Variants in SNX29 observed in about 807,000 individuals in gnomAD.
The protein encoded by SNX29 is sorting nexin 29, also known as sorting nexin-29.
SNX29 carries 78 observed loss-of-function variants against 102.1 expected under a neutral mutation model. That is an observed-to-expected ratio of 0.76 (90% CI 0.64 to 0.92). The LOEUF is 0.92. Ranked by LOEUF, SNX29 falls within the 40% of genes least tolerant of loss-of-function variation. The probability of loss-of-function intolerance (pLI) is 0.00; values close to 1 mark genes in which losing one functional copy is unlikely to be tolerated. For synonymous variants in SNX29, 580 were observed against 414.5 expected, an observed-to-expected ratio of 1.40 and a Z score of -4.85; for missense variants, 1,280 against 1,061.7, an observed-to-expected ratio of 1.21 and a Z score of -2.86.
intron 20 of SNX29, among the ~76,000 whole-genome samples, chr16:12,554,833 C>G (rs914395387): frequency 1.3e-5 from 2 of 152,184 alleles, no homozygotes; most frequent in Non-Finnish European, 2.9e-5. Flanking sequence ...CTGTGCCATT[C>G]TTTCCGTAGG....
At chr16:12,103,841 T>C (rs565157361) in intron 11 of SNX29, among the ~76,000 whole-genome samples, 1 of 152,216 alleles carries the variant, frequency 6.6e-6, no homozygotes, top group African/African-American at 2.4e-5. Flanking sequence ...TAAACAACTT[T>C]GCGAGAGAAA....
chr16:12,118,320 T>C lies in SNX29; in HGVS notation c.1403-8313T>C, dbSNP rs1241307656. On this transcript the variant is annotated intron_variant, in intron 11 of 20. Coordinates refer to ENST00000566228, the MANE Select transcript of SNX29 (RefSeq NM_032167.5). ...AGTAGATATACAGACCACCTTTTTT[T>C]TTTTTTTTTTTTTTTTATGAGATGG... Among the ~76,000 whole-genome samples, 6 of 134,260 alleles carry C rather than the reference T, an allele frequency of 4.5e-5. No individual in the cohort carries two copies. In the East Asian group the frequency reaches 1.5e-3, roughly 33 times the overall value. The allele number at this position is 134,260 out of a possible 152,430, so 88.1% of individuals were successfully genotyped here. A position where few individuals can be genotyped will look rare whatever the true frequency, so the allele number is the denominator to read the frequency against.
At chr16:12,160,840 G>A (rs2055753072) in intron 13 of SNX29, among the ~76,000 whole-genome samples, 1 of 152,214 alleles carries the variant, frequency 6.6e-6, no homozygotes, top group South Asian at 2.1e-4. Context: ...CCCATTTCTT[G>A]ATGGCATTAT....
chr16:12,513,255 C>G (rs772856873), intron 19 of SNX29, among the ~76,000 whole-genome samples: 4 of 149,256 alleles, frequency 2.7e-5, no homozygotes, highest in African/African-American at 4.9e-5. Context: ...CTGTCCTCCT[C>G]TCCCCTCCCC....
rs564434019 is a variant in SNX29 at position 12,568,521 on chromosome 16, C to T, written c.2334C>T (p.Pro778=). The T allele has an allele frequency of 2.6e-5, 42 of 1,609,976 alleles. No individual in the cohort carries two copies. Among genetic ancestry groups the T allele is most frequent in the Middle Eastern group, 1.6e-4 (1 of 6,062 alleles). Residue 778 remains proline (P), a synonymous_variant, in exon 21 of 21, where the codon CCC becomes CCT. Coordinates refer to ENST00000566228, the MANE Select transcript of SNX29 (RefSeq NM_032167.5). The part of the protein sequence containing the change: ...LMPFFVDITP[P]GEPVNSRPKA... ...GCTCTTTCAGCGACATCACCCCGCCCGGAGAGCCTGTGAACAGCCGGCCCA... is the reference window on the plus strand; with the variant it reads ...GCTCTTTCAGCGACATCACCCCGCCTGGAGAGCCTGTGAACAGCCGGCCCA...
intron 20 of SNX29, among the ~76,000 whole-genome samples, chr16:12,566,432 C>G (rs932788770): frequency 1.3e-5 from 2 of 152,184 alleles, no homozygotes; most frequent in Non-Finnish European, 2.9e-5. Context: ...GGCCTCTCCC[C>G]CCAAGCTCTG....
chr16:12,535,576 G>T (rs1304261091), intron 20 of SNX29, among the ~76,000 whole-genome samples: 2 of 152,128 alleles, frequency 1.3e-5, no homozygotes, highest in African/African-American at 4.8e-5. Flanking sequence ...GTGTGAGCTG[G>T]GTATGCACGA....
chr16:12,553,218 C>T (rs534541676), intron 20 of SNX29, among the ~76,000 whole-genome samples: 4 of 152,252 alleles, frequency 2.6e-5, no homozygotes, highest in Non-Finnish European at 5.9e-5. Context: ...GCCATGCTCG[C>T]AGATGGGGAC....
intron 13 of SNX29, among the ~76,000 whole-genome samples, chr16:12,169,657 C>A (rs143175388): frequency 6.6e-6 from 1 of 152,092 alleles, no homozygotes; most frequent in Non-Finnish European, 1.5e-5. Flanking sequence ...GTCAGTAGTT[C>A]GAGACCAGCC....
At chr16:12,315,796 A>C (rs1383481601) in intron 15 of SNX29, among the ~76,000 whole-genome samples, 1 of 152,188 alleles carries the variant, frequency 6.6e-6, no homozygotes, top group African/African-American at 2.4e-5. Context: ...ATTTACAAAA[A>C]TGGATGATGG....
intron 11 of SNX29, among the ~76,000 whole-genome samples, chr16:12,094,632 A>G (rs1036211376): frequency 6.6e-6 from 1 of 152,284 alleles, no homozygotes; most frequent in African/African-American, 2.4e-5. Context: ...ACATTTAGCC[A>G]TGTCTGGGAC....
chr16:12,301,309 G>A (rs1262823748), intron 15 of SNX29, among the ~76,000 whole-genome samples: 1 of 152,200 alleles, frequency 6.6e-6, no homozygotes, highest in Non-Finnish European at 1.5e-5. Context: ...GCTCTGGCGT[G>A]TGCCCACATC....
At chr16:12,318,147 C>T (rs2080812985) in intron 15 of SNX29, among the ~76,000 whole-genome samples, 1 of 152,256 alleles carries the variant, frequency 6.6e-6, no homozygotes, top group Non-Finnish European at 1.5e-5. Flanking sequence ...AGAGAGTGAG[C>T]TTCTTCCAGA....
intron 20 of SNX29, among the ~76,000 whole-genome samples, chr16:12,541,651 C>G (rs1030379861): frequency 3.9e-5 from 6 of 152,184 alleles, no homozygotes; most frequent in African/African-American, 1.4e-4. Flanking sequence ...GTTCAGCCAG[C>G]TCCTAATGCA....
rs1457890246 is a variant in SNX29 at position 12,078,824 on chromosome 16, T to G, written c.1320-9T>G. On this transcript the variant is annotated splice_polypyrimidine_tract_variant and intron_variant, in intron 10 of 20. Coordinates refer to ENST00000566228, the MANE Select transcript of SNX29 (RefSeq NM_032167.5). ...CGAGTGTAACTTCCTCCTGCCTGCTTTTTCCTAGTGTGGAAGCCAGCTCTC... is the reference window on the plus strand; with the variant it reads ...CGAGTGTAACTTCCTCCTGCCTGCTGTTTCCTAGTGTGGAAGCCAGCTCTC... The G allele has an allele frequency of 6.3e-7, 1 of 1,595,054 alleles. No individual in the cohort carries two copies. Among genetic ancestry groups the G allele is most frequent in the Non-Finnish European group, 8.5e-7 (1 of 1,170,784 alleles).
Position 12,570,389 on chromosome 16 carries a change from A to C in SNX29, c.*1760A>C, listed in dbSNP as rs10852351. 5.9e-5 allele frequency: 22 copies of C among 372,508 alleles called. No homozygotes were observed. Among genetic ancestry groups the C allele is most frequent in the Non-Finnish European group, 9.0e-5 (22 of 245,356 alleles). The allele number at this position is 372,508 out of a possible 1,614,324, so 23.1% of individuals were successfully genotyped here. A position where few individuals can be genotyped will look rare whatever the true frequency, so the allele number is the denominator to read the frequency against. On this transcript the variant is annotated 3_prime_UTR_variant, in exon 21 of 21. Coordinates refer to ENST00000566228, the MANE Select transcript of SNX29 (RefSeq NM_032167.5). ...TACACATGGTTTATCTGAAATTCCA[A>C]GGCCAGAGTGCACATCAGCTCACAT...
intron 19 of SNX29, among the ~76,000 whole-genome samples, chr16:12,512,737 C>G (rs1020223491): frequency 3.3e-5 from 5 of 152,090 alleles, no homozygotes; most frequent in Admixed American, 1.3e-4. Context: ...CAACTAGGTG[C>G]TGTTCACTTC....
chr16:12,069,611 C>A (rs2051196177), intron 10 of SNX29, among the ~76,000 whole-genome samples: 1 of 152,120 alleles, frequency 6.6e-6, no homozygotes. Context: ...ATCATTACTG[C>A]CTCAGAGAGA....
intron 20 of SNX29, among the ~76,000 whole-genome samples, chr16:12,538,371 T>C (rs1313662940): frequency 6.6e-6 from 1 of 152,192 alleles, no homozygotes; most frequent in Non-Finnish European, 1.5e-5. Context: ...ATTACAGGCG[T>C]GAGCCACCGC....
Sources: gnomAD v4.1 joint callset for allele counts (sites outside exome capture counted in the v4.1 genomes callset) on GRCh38, gnomAD v4.1.1 for gene constraint, MANE v1.5 for transcripts, NCBI Gene and HGNC (gene_info 2026-07-23, HGNC 2026-07-21) for gene names.